Variants in MAML3 observed in about 807,000 individuals in gnomAD.
MAML3 encodes mastermind like transcriptional coactivator 3.
MAML3 carries 27 observed loss-of-function variants against 101.9 expected under a neutral mutation model. The ratio of observed to expected loss-of-function variants is 0.27; its 90% CI spans 0.20 to 0.37. The LOEUF (loss-of-function observed/expected upper bound fraction) is 0.37. Ranked by LOEUF, MAML3 falls within the 10% of genes least tolerant of loss-of-function variation. The pLI is 1.00. For synonymous variants in MAML3, 501 were observed against 555.9 expected (o/e 0.90, Z 1.39); for missense variants, 1,316 against 1,444.9 (o/e 0.91, Z 1.45).
At chr4:140,028,826 G>A (rs1295294803) in intron 1 of MAML3, among the ~76,000 whole-genome samples, 1 of 152,006 alleles carries the variant, frequency 6.6e-6, no homozygotes, top group African/African-American at 2.4e-5. Flanking sequence ...ACCACTGATC[G>A]CCATAAATAC....
intron 2 of MAML3, among the ~76,000 whole-genome samples, chr4:139,760,507 G>T (rs79576452): frequency 1.3e-5 from 2 of 152,164 alleles, no homozygotes; most frequent in South Asian, 2.1e-4. Context: ...TTAGCACAGC[G>T]CCTGGCTCAT....
intron 2 of MAML3, among the ~76,000 whole-genome samples, chr4:139,742,617 G>A (rs1407266177): frequency 6.6e-6 from 1 of 152,128 alleles, no homozygotes; most frequent in Admixed American, 6.5e-5. Context: ...AGATTTTGTT[G>A]GTTCTTAACG....
Position 139,719,416 on chromosome 4 carries a change from G to C in MAML3, c.3324C>G (p.Leu1108=). 1 of 1,614,002 alleles carries C rather than the reference G, an allele frequency of 6.2e-7. No homozygotes were observed. Among genetic ancestry groups the C allele is most frequent in the Non-Finnish European group, 8.5e-7 (1 of 1,179,900 alleles). Residue 1108 remains leucine (L), a synonymous_variant, in exon 5 of 5, where the codon CTC becomes CTG. Coordinates refer to ENST00000509479, the MANE Select transcript of MAML3 (RefSeq NM_018717.5). ...AGTCCACAAGGTCTGCACCGTCCGG[G>C]AGGCCAGGGAAGGAACCCCCAGCTC... The part of the protein sequence containing the change: ...GDGAGGSFPG[L]PDGADLVDSI...
chr4:139,789,299 A>C (rs1730361597), intron 2 of MAML3, among the ~76,000 whole-genome samples: 2 of 152,208 alleles, frequency 1.3e-5, no homozygotes, highest in African/African-American at 4.8e-5. Flanking sequence ...TTCCACGGAA[A>C]CACTGGGAGG....
At chr4:140,075,053 C>A (rs2110960150) in intron 1 of MAML3, among the ~76,000 whole-genome samples, 1 of 152,252 alleles carries the variant, frequency 6.6e-6, no homozygotes, top group South Asian at 2.1e-4. Context: ...AGATACTCAA[C>A]CTGTAGTTTA....
At chr4:139,978,619 AAGAGAG>A (rs70943462) in intron 1 of MAML3, among the ~76,000 whole-genome samples, 38 of 150,836 alleles carry the variant, frequency 2.5e-4, no homozygotes, top group Admixed American at 2.4e-3. Flanking sequence ...ATCAAAAAAA[AAGAGAG>A]AGAGAGAGAG....
chr4:140,007,203 A>AG (rs1726467200), intron 1 of MAML3, among the ~76,000 whole-genome samples: 1 of 152,222 alleles, frequency 6.6e-6, no homozygotes, highest in Admixed American at 6.5e-5. Flanking sequence ...TTGTAGAGAG[A>AG]AAAGTAAGAT....
intron 1 of MAML3, among the ~76,000 whole-genome samples, chr4:140,148,691 G>C (rs1729104880): frequency 6.6e-6 from 1 of 152,194 alleles, no homozygotes; most frequent in Admixed American, 6.5e-5. Context: ...CCAGATTAAC[G>C]TATAAGGACA....
intron 1 of MAML3, among the ~76,000 whole-genome samples, chr4:140,103,488 G>A (rs996112215): frequency 1.3e-5 from 2 of 152,128 alleles, no homozygotes; most frequent in South Asian, 2.1e-4. Context: ...CTCTTCTATT[G>A]TTGTTGTTTA....
chr4:139,943,864 C>CCTTTTTTTTTTTTTTTTTTTTT (rs1733652525), intron 1 of MAML3, among the ~76,000 whole-genome samples: 2 of 65,824 alleles, frequency 3.0e-5, no homozygotes, highest in Non-Finnish European at 5.7e-5. Context: ...CTAAAGACAA[C>CCTTTTTTTTTTTTTTTTTTTTT]TTTTTTTTTT....
At chr4:139,906,388 G>T (rs1451808921) in intron 1 of MAML3, among the ~76,000 whole-genome samples, 9 of 152,156 alleles carry the variant, frequency 5.9e-5, no homozygotes, top group Admixed American at 2.0e-4. Flanking sequence ...AAGTTAGCCT[G>T]CCATGACTTT....
chr4:139,759,589 A>G (rs553207814), intron 2 of MAML3, among the ~76,000 whole-genome samples: 3 of 152,340 alleles, frequency 2.0e-5, no homozygotes, highest in South Asian at 4.1e-4. Flanking sequence ...TTTCTAGGTT[A>G]TTAAAAGAAC....
rs548736360 is a variant in MAML3 at position 140,026,811 on chromosome 4, C to T, written c.468+126049G>A. On this transcript the variant is annotated intron_variant, in intron 1 of 4. Transcript: ENST00000509479. The stretch of plus-strand genomic sequence containing the variant: ...TTCCTGTTCTAATTCCGCATAAACA[C>T]CCATTAGTAGCTGGAGAATATCCTG... Among the ~76,000 whole-genome samples the T allele has an allele frequency of 1.8e-4, 28 of 152,170 alleles. No individual in the cohort carries two copies. The South Asian group carries it at 5.2e-3, about 28-fold the overall frequency.
chr4:139,870,773 C>T (rs1731990929), intron 2 of MAML3, among the ~76,000 whole-genome samples: 1 of 152,214 alleles, frequency 6.6e-6, no homozygotes, highest in Non-Finnish European at 1.5e-5. Context: ...TCCTAAGTAG[C>T]TGGGACCACA....
chr4:139,984,208 C>G (rs929541401), intron 1 of MAML3, among the ~76,000 whole-genome samples: 1 of 151,820 alleles, frequency 6.6e-6, no homozygotes, highest in African/African-American at 2.4e-5. Context: ...AACAGTGTGG[C>G]GTTGAGAATA....
chr4:139,719,141 G>A lies in MAML3; in HGVS notation c.*182C>T. On this transcript the variant is annotated 3_prime_UTR_variant, in exon 5 of 5. Transcript: ENST00000509479. ...CATCTCGATTGCTGTGTGAAAATCA[G>A]GTGAAATGAGGCCTGGTGGGGCTGT... 1.6e-6 allele frequency: 1 copy of A among 638,122 alleles called. No homozygotes were observed. The highest frequency in any genetic ancestry group is 2.6e-6 in the Non-Finnish European group (1 of 386,818). 39.5% of individuals were successfully genotyped at this position (638,122 alleles called of 1,614,324 possible).
chr4:140,028,480 T>C (rs1726861009), intron 1 of MAML3, among the ~76,000 whole-genome samples: 1 of 152,214 alleles, frequency 6.6e-6, no homozygotes, highest in South Asian at 2.1e-4. Context: ...TTCTCATTAT[T>C]CTTCGTGATT....
chr4:139,770,067 A>G (rs1171701018), intron 2 of MAML3, among the ~76,000 whole-genome samples: 1 of 151,976 alleles, frequency 6.6e-6, no homozygotes, highest in Non-Finnish European at 1.5e-5. Context: ...CCACAGGTGT[A>G]TACTACCATG....
At chr4:139,807,151 T>C (rs888481448) in intron 2 of MAML3, among the ~76,000 whole-genome samples, 1 of 152,212 alleles carries the variant, frequency 6.6e-6, no homozygotes, top group East Asian at 1.9e-4. Context: ...TTGTTGGCTC[T>C]ATGACCCTAA....
Sources: allele counts gnomAD v4.1 joint callset (sites outside exome capture counted in the v4.1 genomes callset), GRCh38; gene constraint gnomAD v4.1.1; transcripts MANE v1.5; gene names NCBI Gene and HGNC (gene_info 2026-07-23, HGNC 2026-07-21).